Variants in CACNA1C observed in about 807,000 individuals in gnomAD.
CACNA1C encodes the protein voltage-dependent L-type calcium channel subunit alpha-1C.
CACNA1C carries 30 observed loss-of-function variants against 229.0 expected under a neutral mutation model. The ratio of observed to expected loss-of-function variants is 0.13; its 90% CI spans 0.10 to 0.18. CACNA1C has a LOEUF of 0.18. Among genes scored for constraint, CACNA1C ranks in the 10% least tolerant of loss-of-function variants. The pLI, the probability that CACNA1C is intolerant of heterozygous loss-of-function variation, is 1.00. For synonymous variants in CACNA1C, 1,114 were observed against 1,132.5 expected (o/e 0.98, Z 0.33); for missense variants, 1,658 against 2,845.0 (o/e 0.58, Z 9.49).
Position 2,515,134 on chromosome 12 carries a change from T to C in CACNA1C, c.1390+2150T>C, listed in dbSNP as rs553826876. 1.2e-4 allele frequency among the ~76,000 whole-genome samples: 18 copies of C among 152,306 alleles called. No individual in the cohort carries two copies. The South Asian group carries it at 3.5e-3, about 30-fold the overall frequency. On this transcript the variant is annotated intron_variant, in intron 9 of 46. Coordinates refer to ENST00000399655, the MANE Select transcript of CACNA1C (RefSeq NM_000719.7). ...GGACTGGAGTGGGAGCCTGGCTCCT[T>C]CATTAGTGGAAATGCTAATTAGTGG...
chr12:2,540,273 A>G (rs2099866396), intron 9 of CACNA1C, among the ~76,000 whole-genome samples: 1 of 152,124 alleles, frequency 6.6e-6, no homozygotes, highest in Non-Finnish European at 1.5e-5. Context: ...TTAAAACCCC[A>G]TGATGATATG....
At chr12:2,259,204 G>A (rs2079106952) in intron 3 of CACNA1C, among the ~76,000 whole-genome samples, 1 of 152,136 alleles carries the variant, frequency 6.6e-6, no homozygotes, top group African/African-American at 2.4e-5. Flanking sequence ...TAGAAGTGCC[G>A]ATTCTACAAA....
rs1292262007 is a variant in CACNA1C at position 2,463,795 on chromosome 12, G to A, written c.757+6089G>A. Among the ~76,000 whole-genome samples the A allele has an allele frequency of 2.6e-5, 4 of 152,206 alleles. No homozygotes were observed. The South Asian group carries it at 8.3e-4, about 32-fold the overall frequency. On this transcript the variant is annotated intron_variant, in intron 5 of 46. Transcript: ENST00000399655. ...GGGGTTCTGTGTAGTTGAAAGATTTGGCCATTTGGCTTCATAGAGACTCTT... is the reference window on the plus strand; with the variant it reads ...GGGGTTCTGTGTAGTTGAAAGATTTAGCCATTTGGCTTCATAGAGACTCTT...
rs138217293 is a variant in CACNA1C at position 2,252,348 on chromosome 12, A to G, written c.477+131918A>G. Among the ~76,000 whole-genome samples, 240 of 152,332 alleles carry G rather than the reference A, an allele frequency of 1.6e-3. 1 individual carries two copies. Among genetic ancestry groups the G allele is most frequent in the Middle Eastern group, 3.4e-3 (1 of 294 alleles). On this transcript the variant is annotated intron_variant, in intron 3 of 46. Coordinates refer to ENST00000399655, the MANE Select transcript of CACNA1C (RefSeq NM_000719.7). ...TGGTTTAGACAGAGTGGCCTCTGCA[A>G]TCTGGCCACAGTCAAAGGCTTCTTC...
chr12:2,138,721 C>G (rs947875398), intron 3 of CACNA1C, among the ~76,000 whole-genome samples: 14 of 151,134 alleles, frequency 9.3e-5, no homozygotes, highest in African/African-American at 3.1e-4. Context: ...GTGGAAGCAG[C>G]CTGAGGCCCT....
intron 1 of CACNA1C, among the ~76,000 whole-genome samples, chr12:2,081,868 A>G (rs2065776717): frequency 6.6e-6 from 1 of 152,242 alleles, no homozygotes; most frequent in Admixed American, 6.5e-5. Flanking sequence ...GCAGACAGAA[A>G]TACCCAGACA....
At chr12:2,513,359 A>G (rs1436956403) in intron 9 of CACNA1C, among the ~76,000 whole-genome samples, 1 of 152,256 alleles carries the variant, frequency 6.6e-6, no homozygotes, top group Non-Finnish European at 1.5e-5. Context: ...AATGTGTGCC[A>G]AGCAGCTGCC....
intron 1 of CACNA1C, among the ~76,000 whole-genome samples, chr12:2,097,709 C>CT (rs1224766165): frequency 1.3e-5 from 2 of 152,190 alleles, no homozygotes; most frequent in Admixed American, 1.3e-4. Flanking sequence ...TGAGCTTGCC[C>CT]TGTAAGCACA....
chr12:2,378,387 A>G (rs2098134085), intron 3 of CACNA1C, among the ~76,000 whole-genome samples: 1 of 152,054 alleles, frequency 6.6e-6, no homozygotes, highest in Non-Finnish European at 1.5e-5. Flanking sequence ...GTCTTTTAAA[A>G]CTGTTTTTAC....
chr12:2,327,832 G>A (rs3819536), intron 3 of CACNA1C, among the ~76,000 whole-genome samples: 112,054 of 152,094 alleles, frequency 0.74, 41,778 homozygotes, highest in African/African-American at 0.85. Flanking sequence ...AGGAAAAATC[G>A]GCATGACTGG....
In CACNA1C at chr12:2,584,507, C is replaced by A. The variant is rs759734767; in HGVS notation, c.2229C>A (p.Ile743=). The A allele has an allele frequency of 8.1e-6, 13 of 1,607,640 alleles. No homozygotes were observed. In the East Asian group the frequency reaches 2.9e-4, roughly 36 times the overall value. The change falls in exon 16 of 47, where the codon ATC becomes ATA. Residue 743 remains isoleucine (I), a synonymous_variant. Coordinates refer to ENST00000399655, the MANE Select transcript of CACNA1C (RefSeq NM_000719.7). ...FIILFICGNY[I]LLNVFLAIAV... ...TTTAAGAATGGACACAAACAGATAT[C>A]CTACTGAATGTGTTCTTGGCCATTG...
chr12:2,517,246 T>C (rs1236266613), intron 9 of CACNA1C, among the ~76,000 whole-genome samples: 1 of 152,260 alleles, frequency 6.6e-6, no homozygotes, highest in Non-Finnish European at 1.5e-5. Context: ...AGCGTTGCTC[T>C]GCAGGCTTCT....
chr12:2,383,500 G>A (rs576486385), intron 3 of CACNA1C, among the ~76,000 whole-genome samples: 64 of 152,250 alleles, frequency 4.2e-4, no homozygotes, highest in African/African-American at 1.5e-3. Flanking sequence ...TCAACCCTAC[G>A]ATAAACCAGT....
chr12:2,496,262 C>G (rs2099746619), intron 7 of CACNA1C, among the ~76,000 whole-genome samples: 1 of 152,108 alleles, frequency 6.6e-6, no homozygotes, highest in South Asian at 2.1e-4. Context: ...GGCTTTGAAC[C>G]CTTCTAAGGA....
intron 3 of CACNA1C, among the ~76,000 whole-genome samples, chr12:2,316,892 A>T (rs1215428722): frequency 2.6e-5 from 4 of 152,166 alleles, no homozygotes; most frequent in African/African-American, 9.7e-5. Flanking sequence ...TGCTGGTGAG[A>T]CTTGGACTGA....
At chr12:2,590,008 C>T (rs1158746259) in intron 18 of CACNA1C, among the ~76,000 whole-genome samples, 1 of 152,204 alleles carries the variant, frequency 6.6e-6, no homozygotes, top group Non-Finnish European at 1.5e-5. Flanking sequence ...CAAGGCACTG[C>T]TCCGGGTGTC....
In CACNA1C at chr12:2,197,642, T is replaced by A. The variant is rs1437996372; in HGVS notation, c.477+77212T>A. ...CAAAAATCAGAAATTTGACATTTTTTAATCAGTCAGGACTTCCTTCCTTTC... is the reference window on the plus strand; with the variant it reads ...CAAAAATCAGAAATTTGACATTTTTAAATCAGTCAGGACTTCCTTCCTTTC... On this transcript the variant is annotated intron_variant, in intron 3 of 46. Coordinates refer to ENST00000399655, the MANE Select transcript of CACNA1C (RefSeq NM_000719.7). Among the ~76,000 whole-genome samples the A allele has an allele frequency of 3.9e-5, 6 of 152,346 alleles. No individual in the cohort carries two copies. The East Asian group carries it at 1.2e-3, about 29-fold the overall frequency.
chr12:2,415,928 C>T (rs2098889063), intron 3 of CACNA1C, among the ~76,000 whole-genome samples: 1 of 152,174 alleles, frequency 6.6e-6, no homozygotes, highest in Admixed American at 6.5e-5. Context: ...CGCTGGGTGA[C>T]TCTCAGTGCT....
intron 3 of CACNA1C, among the ~76,000 whole-genome samples, chr12:2,255,442 C>T (rs1172528401): frequency 6.6e-6 from 1 of 152,154 alleles, no homozygotes. Flanking sequence ...TCCATGCCTG[C>T]AAGAAGGAAG....
Sources: gnomAD v4.1 joint callset for allele counts (sites outside exome capture counted in the v4.1 genomes callset) on GRCh38, gnomAD v4.1.1 for gene constraint, MANE v1.5 for transcripts, NCBI Gene and HGNC (gene_info 2026-07-23, HGNC 2026-07-21) for gene names.